HS6ST3: variants seen among roughly 807,000 people sequenced by gnomAD.
The protein encoded by HS6ST3 is heparan-sulfate 6-O-sulfotransferase 3.
In HS6ST3, 12 loss-of-function variants were observed where a neutral mutation model predicts 36.7. The observed-to-expected ratio is 0.33, with a 90% CI of 0.21 to 0.53. The LOEUF (loss-of-function observed/expected upper bound fraction) is 0.53. HS6ST3 is among the 20% of genes least tolerant of loss of function. The pLI is 0.95. For missense variants in HS6ST3, 584 were observed against 640.9 expected (o/e 0.91, Z 0.96); for synonymous variants, 240 against 257.5 (o/e 0.93, Z 0.65).
chr13:96,780,920 A>G (rs965879296), intron 1 of HS6ST3, among the ~76,000 whole-genome samples: 4 of 151,788 alleles, frequency 2.6e-5, no homozygotes, highest in African/African-American at 9.7e-5. Context: ...CAGCAACACC[A>G]ATGACAGCTG....
chr13:96,566,893 T>C (rs2056283322), intron 1 of HS6ST3, among the ~76,000 whole-genome samples: 1 of 152,002 alleles, frequency 6.6e-6, no homozygotes, highest in African/African-American at 2.4e-5. Flanking sequence ...ACAGAGGAAA[T>C]AACTTAAATA....
intron 1 of HS6ST3, among the ~76,000 whole-genome samples, chr13:96,266,811 C>T (rs945108553): frequency 6.6e-6 from 1 of 152,174 alleles, no homozygotes; most frequent in Non-Finnish European, 1.5e-5. Flanking sequence ...ATATGCCACA[C>T]ACATTCCAGC....
intron 1 of HS6ST3, among the ~76,000 whole-genome samples, chr13:96,164,253 G>GAT (rs1179499017): frequency 2.0e-5 from 3 of 152,094 alleles, no homozygotes; most frequent in Non-Finnish European, 4.4e-5. Context: ...GCTTTCCAAG[G>GAT]ATATCATGCA....
intron 1 of HS6ST3, among the ~76,000 whole-genome samples, chr13:96,458,743 T>C (rs928417988): frequency 4.6e-5 from 7 of 152,140 alleles, no homozygotes; most frequent in African/African-American, 1.7e-4. Context: ...GCTGGGACAT[T>C]ATTAAAACCA....
At position 96,217,202 on chromosome 13, in the gene HS6ST3, T is replaced by C. The variant is rs551258894; in HGVS notation, c.707+125633T>C. Among the ~76,000 whole-genome samples, 27 of 152,196 alleles carry C rather than the reference T, an allele frequency of 1.8e-4. No individual in the cohort carries two copies. In the South Asian group the frequency reaches 5.2e-3, roughly 29 times the overall value. ...CATATCTATTCTGAAAAGCCGGGGGTCTGACAGTAGCATTTATTGAATGAC... is the reference window on the plus strand; with the variant it reads ...CATATCTATTCTGAAAAGCCGGGGGCCTGACAGTAGCATTTATTGAATGAC... On this transcript the variant is annotated intron_variant, in intron 1 of 1. Coordinates refer to ENST00000376705, the MANE Select transcript of HS6ST3 (RefSeq NM_153456.4).
At position 96,833,482 on chromosome 13, in the gene HS6ST3, G is replaced by A; in HGVS notation, c.*284G>A. ...GAGAGCCACACCGAAAAAGGAGACA[G>A]TTCCTGTGATCTCCTTTGCAGGAGC... On this transcript the variant is annotated 3_prime_UTR_variant, in exon 2 of 2. Coordinates refer to ENST00000376705, the MANE Select transcript of HS6ST3 (RefSeq NM_153456.4). The A allele has an allele frequency of 2.9e-6, 1 of 341,114 alleles. No individual in the cohort carries two copies. The highest frequency in any genetic ancestry group is 6.6e-5 in the South Asian group (1 of 15,188). The allele number at this position is 341,114 out of a possible 1,614,324, so 21.1% of individuals were successfully genotyped here. A position where few individuals can be genotyped will look rare whatever the true frequency, so the allele number is the denominator to read the frequency against.
chr13:96,525,218 C>T (rs1293930455), intron 1 of HS6ST3, among the ~76,000 whole-genome samples: 3 of 152,152 alleles, frequency 2.0e-5, no homozygotes, highest in African/African-American at 7.2e-5. Context: ...ACTAGTTTTC[C>T]ACAGGCAAAT....
chr13:96,136,031 G>C (rs1331367717), intron 1 of HS6ST3, among the ~76,000 whole-genome samples: 2 of 152,034 alleles, frequency 1.3e-5, no homozygotes, highest in Non-Finnish European at 2.9e-5. Context: ...GGCCACACTT[G>C]GAACTCCCAA....
At chr13:96,763,577 AATTT>A (rs1447229088) in intron 1 of HS6ST3, among the ~76,000 whole-genome samples, 1 of 151,602 alleles carries the variant, frequency 6.6e-6, no homozygotes, top group Non-Finnish European at 1.5e-5. Context: ...TAATATAGTA[AATTT>A]ATTTATTTAT....
At chr13:96,235,452 C>T (rs1157821815) in intron 1 of HS6ST3, among the ~76,000 whole-genome samples, 4 of 152,042 alleles carry the variant, frequency 2.6e-5, no homozygotes, top group Admixed American at 1.3e-4. Context: ...CTTGGAGCCA[C>T]ACATAGAACC....
chr13:96,494,334 A>G (rs1594793304), intron 1 of HS6ST3, among the ~76,000 whole-genome samples: 1 of 143,850 alleles, frequency 7.0e-6, no homozygotes, highest in Non-Finnish European at 1.5e-5. Context: ...ATAGGTGGGA[A>G]TTGAACAACA....
At chr13:96,601,143 G>T (rs149958384) in intron 1 of HS6ST3, among the ~76,000 whole-genome samples, 1 of 151,908 alleles carries the variant, frequency 6.6e-6, no homozygotes, top group African/African-American at 2.4e-5. Flanking sequence ...TATATGCTTC[G>T]GTGATGTCCT....
At chr13:96,647,750 G>T (rs1013271307) in intron 1 of HS6ST3, among the ~76,000 whole-genome samples, 3 of 150,434 alleles carry the variant, frequency 2.0e-5, no homozygotes, top group African/African-American at 4.9e-5. Context: ...AATGCTAAAT[G>T]TTTTTTTTTC....
At chr13:96,785,806 C>G (rs892757351) in intron 1 of HS6ST3, among the ~76,000 whole-genome samples, 9 of 152,204 alleles carry the variant, frequency 5.9e-5, no homozygotes, top group African/African-American at 2.2e-4. Context: ...CTGCACAATT[C>G]TGGACATACA....
chr13:96,504,824 ATAT>A (rs1395080971), intron 1 of HS6ST3, among the ~76,000 whole-genome samples: 2 of 152,208 alleles, frequency 1.3e-5, no homozygotes, highest in African/African-American at 4.8e-5. Context: ...TTATAAAAAT[ATAT>A]AAAATGTTGT....
At chr13:96,196,682 A>G (rs2054315906) in intron 1 of HS6ST3, among the ~76,000 whole-genome samples, 1 of 152,192 alleles carries the variant, frequency 6.6e-6, no homozygotes, top group Non-Finnish European at 1.5e-5. Context: ...CACCTGCAGC[A>G]TGCTGATGTC....
At chr13:96,617,844 C>T (rs2056480128) in intron 1 of HS6ST3, among the ~76,000 whole-genome samples, 1 of 152,198 alleles carries the variant, frequency 6.6e-6, no homozygotes, top group Non-Finnish European at 1.5e-5. Context: ...TGATCCTAAG[C>T]ACACTCAACT....
At chr13:96,191,557 T>C (rs943876941) in intron 1 of HS6ST3, among the ~76,000 whole-genome samples, 2 of 152,230 alleles carry the variant, frequency 1.3e-5, no homozygotes, top group Admixed American at 6.5e-5. Context: ...CAACCCAGTC[T>C]GAGTTAATTG....
At chr13:96,678,812 A>G (rs2056708203) in intron 1 of HS6ST3, among the ~76,000 whole-genome samples, 1 of 152,112 alleles carries the variant, frequency 6.6e-6, no homozygotes. Flanking sequence ...TATTTGTGCA[A>G]CTACTAATTA....
Sources: allele counts gnomAD v4.1 joint callset (sites outside exome capture counted in the v4.1 genomes callset), GRCh38; gene constraint gnomAD v4.1.1; transcripts MANE v1.5; gene names NCBI Gene and HGNC (gene_info 2026-07-23, HGNC 2026-07-21).